The following NID2 variants were observed in gnomAD, a reference collection of about 807,000 sequenced individuals.
NID2 encodes the protein nidogen-2.
NID2 carries 83 observed loss-of-function variants against 145.4 expected under a neutral mutation model. The ratio of observed to expected loss-of-function variants is 0.57; its 90% CI spans 0.48 to 0.69. The LOEUF is 0.69. Among genes scored for constraint, NID2 ranks in the 30% least tolerant of loss-of-function variants. The pLI is 0.00. For missense variants in NID2, 1,807 were observed against 1,765.7 expected, an observed-to-expected ratio of 1.02 and a Z score of -0.42; for synonymous variants, 739 against 701.3, an observed-to-expected ratio of 1.05 and a Z score of -0.85.
chr14:52,006,318 AT>A (rs1890780165), intron 20 of NID2: 2 of 523,238 alleles, frequency 3.8e-6, no homozygotes, highest in Admixed American at 3.3e-5. Context: ...TATGTGAGCA[AT>A]ACCATTCGAT....
intron 15 of NID2, 93 bp from the exon 16 acceptor site, chr14:52,014,549 A>G: frequency 7.7e-7 from 1 of 1,296,686 alleles, no homozygotes; most frequent in South Asian, 1.4e-5. Context: ...AGAGCCTCCA[A>G]AAATATCAAA....
intron 21 of NID2, 75 bp from the exon 22 acceptor site, chr14:52,005,571 G>T: frequency 6.5e-7 from 1 of 1,534,726 alleles, no homozygotes; most frequent in Non-Finnish European, 8.9e-7. Flanking sequence ...GCAAGTCTTT[G>T]CATTTTGTGT....
chr14:52,007,450 AGCATTAT>A (rs925169185), intron 19 of NID2: 1 of 244,930 alleles, frequency 4.1e-6, no homozygotes, highest in African/African-American at 2.4e-5. Flanking sequence ...GAATGTCCTT[AGCATTAT>A]AACAGATGTT....
At chr14:52,031,501 T>TTGAGCCATCTCTGCTACAAAGGG (rs1199723772) in intron 9 of NID2, among the ~76,000 whole-genome samples, 1 of 152,192 alleles carries the variant, frequency 6.6e-6, no homozygotes, top group Non-Finnish European at 1.5e-5. Context: ...AGGTTCTACA[T>TTGAGCCATCTCTGCTACAAAGGG]TGAGCCATCT....
At chr14:52,051,700 G>A (rs189515241) in intron 5 of NID2, among the ~76,000 whole-genome samples, 7 of 152,102 alleles carry the variant, frequency 4.6e-5, no homozygotes, top group African/African-American at 1.7e-4. Context: ...ATACATCCCC[G>A]TAAATTCTTT....
At position 52,028,725 on chromosome 14, in the gene NID2, T is replaced by C. The variant is rs773774633; in HGVS notation, c.2527A>G (p.Ile843Val). 1.2e-6 allele frequency: 2 copies of C among 1,610,302 alleles called. No individual in the cohort carries two copies. The highest frequency in any genetic ancestry group is 1.1e-5 in the South Asian group (1 of 89,840). The change falls in exon 11 of 22, where the codon ATC becomes GTC. Residue 843 changes from isoleucine (I) to valine (V), a missense_variant. Coordinates refer to ENST00000216286, the MANE Select transcript of NID2 (RefSeq NM_007361.4). Reference sequence around the variant, plus strand: ...GGAAAATGATTTTGGAACTCACAGATGCAAGTATGCCGGTCATCTGCAAAC... The same window carrying C: ...GGAAAATGATTTTGGAACTCACAGACGCAAGTATGCCGGTCATCTGCAAAC... Reference protein sequence around the residue: ...YEFADDRHTCILITPPANPCE... With the variant: ...YEFADDRHTCVLITPPANPCE...
chr14:52,068,452 C>T (rs1283885156), intron 1 of NID2, among the ~76,000 whole-genome samples: 1 of 152,234 alleles, frequency 6.6e-6, no homozygotes, highest in African/African-American at 2.4e-5. Context: ...GAGGGAACAC[C>T]CCAGCTCCGC....
intron 12 of NID2, among the ~76,000 whole-genome samples, chr14:52,021,036 CTG>C (rs74798088): frequency 0.18 from 26,973 of 151,478 alleles, 3,085 homozygotes; most frequent in East Asian, 0.52. Flanking sequence ...AAAAGCAGCT[CTG>C]AGAATTGAAT....
chr14:52,015,364 G>T, intron 14 of NID2, 89 bp from the exon 15 acceptor site: 2 of 1,243,574 alleles, frequency 1.6e-6, no homozygotes, highest in Non-Finnish European at 2.2e-6. Flanking sequence ...CCCATGCCTG[G>T]CCTCCTGGCC....
Position 52,038,925 on chromosome 14 carries a change from G to T in NID2, c.2079C>A (p.Asn693Lys), listed in dbSNP as rs1274839377. The T allele has an allele frequency of 3.7e-6, 6 of 1,613,940 alleles. No homozygotes were observed. The highest frequency in any genetic ancestry group is 4.2e-6 in the Non-Finnish European group (5 of 1,180,004). Residue 693 changes from asparagine (N) to lysine (K), a missense_variant, in exon 9 of 22, where the codon AAC becomes AAA. Coordinates refer to ENST00000216286, the MANE Select transcript of NID2 (RefSeq NM_007361.4). ...GGTGGATGCGGTAGGACCATGTTTG[G>T]TTGATTGCACCAAAAGTCAGAGAGT... The part of the protein sequence containing the change: ...RDYSLTFGAI[N>K]QTWSYRIHQN...
chr14:52,034,737 C>T (rs1178017475), intron 9 of NID2, among the ~76,000 whole-genome samples: 1 of 152,232 alleles, frequency 6.6e-6, no homozygotes, highest in Non-Finnish European at 1.5e-5. Flanking sequence ...CTTACAGATT[C>T]ACCTCACTGA....
chr14:52,006,177 G>A (rs1890773918), intron 20 of NID2: 1 of 400,808 alleles, frequency 2.5e-6, no homozygotes, highest in Admixed American at 3.7e-5. Context: ...TGTCCACAGT[G>A]TCAAAAGCCA....
intron 14 of NID2, among the ~76,000 whole-genome samples, chr14:52,017,964 G>A (rs1891273891): frequency 6.6e-6 from 1 of 152,116 alleles, no homozygotes; most frequent in Admixed American, 6.5e-5. Flanking sequence ...GACTACAGGT[G>A]CGTGCCACCA....
intron 6 of NID2, 53 bp downstream of exon 6, chr14:52,042,729 A>T: frequency 6.3e-7 from 1 of 1,579,892 alleles, no homozygotes; most frequent in Non-Finnish European, 8.7e-7. Context: ...GTAGCTGGAA[A>T]CAGGTAAGCA....
At chr14:52,017,618 C>A (rs944100638) in intron 14 of NID2, among the ~76,000 whole-genome samples, 2 of 151,950 alleles carry the variant, frequency 1.3e-5, no homozygotes, top group Non-Finnish European at 2.9e-5. Context: ...TCCCCAAAGG[C>A]ACCTCCCAAC....
intron 3 of NID2, 70 bp downstream of exon 3, chr14:52,060,054 C>T: frequency 2.7e-6 from 3 of 1,125,186 alleles, no homozygotes; most frequent in Non-Finnish European, 3.9e-6. Flanking sequence ...CTTATGGTCA[C>T]TTGTGTTCAG....
chr14:52,011,088 T>G, intron 17 of NID2, 41 bp from the exon 18 acceptor site: 1 of 1,595,412 alleles, frequency 6.3e-7, no homozygotes, highest in African/African-American at 1.3e-5. Context: ...GTTTGCAGGA[T>G]ATGGAGGGCA....
intron 6 of NID2, 45 bp from the exon 7 acceptor site, chr14:52,042,395 A>G: frequency 6.4e-7 from 1 of 1,567,548 alleles, no homozygotes; most frequent in Admixed American, 1.7e-5. Context: ...CATCCTGGCT[A>G]GAGATGGGTG....
Position 52,068,949 on chromosome 14 carries a change from G to A in NID2, c.46C>T (p.Pro16Ser). The A allele has an allele frequency of 6.2e-7, 1 of 1,613,694 alleles. No homozygotes were observed. Among genetic ancestry groups the A allele is most frequent in the Non-Finnish European group, 8.5e-7 (1 of 1,179,948 alleles). Residue 16 changes from proline to serine, a missense_variant, in exon 1 of 22, where the codon CCA becomes TCA. Transcript: ENST00000216286. ...AGCAACGGCAGCAGCAGTAGCACTG[G>A]TAACGACGACAGCACCGGCCGCCCG... ...VAGRPVLSSLPVLLLLPLLML... is the reference protein window; with the variant it reads ...VAGRPVLSSLSVLLLLPLLML...
Sources: allele counts gnomAD v4.1 joint callset (sites outside exome capture counted in the v4.1 genomes callset), GRCh38; gene constraint gnomAD v4.1.1; transcripts MANE v1.5; gene names NCBI Gene and HGNC (gene_info 2026-07-23, HGNC 2026-07-21).